ZNF610: variants seen among roughly 807,000 people sequenced by gnomAD.
The protein encoded by ZNF610 is zink finger protein.
ZNF610 carries 14 observed loss-of-function variants against 14.1 expected under a neutral mutation model. That is an observed-to-expected ratio of 0.99 (90% CI 0.65 to 1.55). The LOEUF (loss-of-function observed/expected upper bound fraction) is 1.55. Among genes scored for constraint, ZNF610 ranks in the 40% most tolerant of loss-of-function variants. The pLI is 0.00. For synonymous variants in ZNF610, 185 were observed against 187.6 expected, an observed-to-expected ratio of 0.99 and a Z score of 0.11; for missense variants, 530 against 558.0, an observed-to-expected ratio of 0.95 and a Z score of 0.51.
chr19:52,357,757 G>T (rs987136288), intron 5 of ZNF610, among the ~76,000 whole-genome samples: 4 of 151,950 alleles, frequency 2.6e-5, no homozygotes, highest in Admixed American at 6.6e-5. Flanking sequence ...GTTTAAGGCT[G>T]CAGTGAGCTA....
At chr19:52,347,246 C>G (rs1985004241) in intron 1 of ZNF610, 1 of 152,082 alleles carries the variant, frequency 6.6e-6, no homozygotes, top group South Asian at 2.1e-4. Context: ...CTGTGTAGGC[C>G]TAGGCTAATG....
chr19:52,353,456 C>T (rs182976365), intron 3 of ZNF610, among the ~76,000 whole-genome samples: 1 of 152,232 alleles, frequency 6.6e-6, no homozygotes, highest in East Asian at 1.9e-4. Flanking sequence ...TCCCATGAAC[C>T]CAGGAGTTTG....
intron 1 of ZNF610, among the ~76,000 whole-genome samples, chr19:52,341,984 T>G (rs969142982): frequency 1.3e-5 from 2 of 151,988 alleles, no homozygotes; most frequent in Non-Finnish European, 2.9e-5. Context: ...AATATTTTGG[T>G]TTTTTATAGA....
chr19:52,348,850 G>A, intron 2 of ZNF610, among the ~76,000 whole-genome samples: 1 of 152,168 alleles, frequency 6.6e-6, no homozygotes, highest in Admixed American at 6.5e-5. Context: ...GAGGGGCTGT[G>A]CTCTTCATGG....
In ZNF610 at chr19:52,366,070, C is replaced by G; in HGVS notation, c.692C>G (p.Pro231Arg). The G allele has an allele frequency of 6.2e-7, 1 of 1,614,078 alleles. No homozygotes were observed. Among genetic ancestry groups the G allele is most frequent in the Non-Finnish European group, 8.5e-7 (1 of 1,179,992 alleles). Residue 231 changes from proline to arginine, a missense_variant, in exon 6 of 6, where the codon CCT (proline) becomes CGT (arginine). Physicochemically the swap from Pro to Arg is moderately radical, Grantham distance 103. Transcript: ENST00000403906. ...NHQVIHTAEK[P>R]YKCTECGKVF... ...CAAGTAATCCATACTGCAGAGAAAC[C>G]TTACAAATGTACTGAATGTGGCAAG... is the stretch of plus-strand genomic sequence containing the variant.
intron 1 of ZNF610, among the ~76,000 whole-genome samples, chr19:52,341,425 T>C (rs1232114928): frequency 1.3e-5 from 2 of 152,084 alleles, no homozygotes; most frequent in Admixed American, 1.3e-4. Context: ...TTCTTCTGCC[T>C]CAGCCTCCTG....
In ZNF610 at chr19:52,349,187, A is replaced by G. The variant is rs774636305; in HGVS notation, c.15A>G (p.Glu5=). The G allele has an allele frequency of 1.2e-6, 2 of 1,613,568 alleles. No homozygotes were observed. The highest frequency in any genetic ancestry group is 1.1e-5 in the South Asian group (1 of 91,072). ...TATAAACAGTCATGCTATGTGATGA[A>G]GAAGCCCAGAAGAGGAAAGCAAAGG... The part of the protein sequence containing the change: MLCD[E]EAQKRKAKES... Residue 5 remains glutamate, a synonymous_variant, in exon 3 of 6, where the codon GAA becomes GAG. Coordinates refer to ENST00000403906, the MANE Select transcript of ZNF610 (RefSeq NM_001161425.2).
intron 1 of ZNF610, among the ~76,000 whole-genome samples, chr19:52,345,774 G>A (rs923247991): frequency 2.0e-5 from 3 of 151,672 alleles, no homozygotes; most frequent in East Asian, 1.9e-4. Flanking sequence ...GGGTGATCTC[G>A]ACTCACTGCA....
At chr19:52,337,327 G>A (rs1056502532) in intron 1 of ZNF610, among the ~76,000 whole-genome samples, 7 of 152,012 alleles carry the variant, frequency 4.6e-5, no homozygotes, top group African/African-American at 1.7e-4. Context: ...CAGAGAGTGG[G>A]GACAAGAGAG....
At chr19:52,364,347 A>G (rs886658306) in intron 5 of ZNF610, among the ~76,000 whole-genome samples, 1 of 151,828 alleles carries the variant, frequency 6.6e-6, no homozygotes, top group Non-Finnish European at 1.5e-5. Context: ...TCCATATTTG[A>G]TCATTTATTG....
chr19:52,349,095 G>A, intron 2 of ZNF610, 59 bp from the exon 3 acceptor site: 1 of 1,250,910 alleles, frequency 8.0e-7, no homozygotes, highest in Non-Finnish European at 1.2e-6. Context: ...GTGTGGTTGT[G>A]GCATAGGGAG....
upstream of ZNF610, among the ~76,000 whole-genome samples, chr19:52,332,534 C>T (rs167708): frequency 0.8 from 121,760 of 152,200 alleles, 49,716 homozygotes; most frequent in African/African-American, 0.96. This position sits in a 1 kb window ranked among gnomAD's most constrained non-coding sequence, Gnocchi z 4.1. Flanking sequence ...ACAGCTCCAA[C>T]TGAAAATAAA....
At position 52,365,846 on chromosome 19, in the gene ZNF610, C is replaced by A. The variant is rs1568656114; in HGVS notation, c.468C>A (p.Asn156Lys). Residue 156 changes from asparagine (N) to lysine (K), a missense_variant, in exon 6 of 6, where the codon AAC becomes AAA. Physicochemically the swap from Asn to Lys is moderately conservative, Grantham distance 94 (BLOSUM62 0). Transcript: ENST00000403906. ...GTAATCAAGTTGAAAAGTTTACAAACCATCGTTCCTCAGTTTCACCACTTC... is the reference window on the plus strand; with the variant it reads ...GTAATCAAGTTGAAAAGTTTACAAAACATCGTTCCTCAGTTTCACCACTTC... ...YRSNQVEKFT[N>K]HRSSVSPLQK... 1 of 1,614,108 alleles carries A rather than the reference C, an allele frequency of 6.2e-7. No homozygotes were observed. Among genetic ancestry groups the A allele is most frequent in the Non-Finnish European group, 8.5e-7 (1 of 1,180,008 alleles).
chr19:52,364,171 A>G (rs989157574), intron 5 of ZNF610, among the ~76,000 whole-genome samples: 17 of 152,220 alleles, frequency 1.1e-4, no homozygotes, highest in African/African-American at 3.9e-4. Context: ...CCTTCTATAT[A>G]TGTAATATTC....
chr19:52,340,199 G>A (rs1238996017), intron 1 of ZNF610, among the ~76,000 whole-genome samples: 1 of 152,158 alleles, frequency 6.6e-6, no homozygotes, highest in Admixed American at 6.5e-5. Flanking sequence ...TCAGGAGTTC[G>A]AGACTAGCCT....
upstream of ZNF610, among the ~76,000 whole-genome samples, chr19:52,331,896 T>C (rs1442319689): frequency 6.6e-6 from 1 of 152,188 alleles, no homozygotes; most frequent in Non-Finnish European, 1.5e-5. Context: ...CCTAGGTCCA[T>C]GTGGGTTACA....
chr19:52,342,184 T>C (rs1415145008), intron 1 of ZNF610, among the ~76,000 whole-genome samples: 2 of 152,134 alleles, frequency 1.3e-5, no homozygotes, highest in African/African-American at 4.8e-5. Flanking sequence ...CTGAAGTGAT[T>C]TTCCCACGTC....
Position 52,353,996 on chromosome 19 carries a change from A to G in ZNF610, c.190+188A>G, listed in dbSNP as rs1167020830. On this transcript the variant is annotated intron_variant, in intron 4 of 5. Transcript: ENST00000403906. ...TTTCTTCAGATGTACCGCCCCCTTC[A>G]TAATACATCATTGGGTGGCACCGGA... 3.9e-5 allele frequency among the ~76,000 whole-genome samples: 6 copies of G among 152,174 alleles called. 1 individual carries two copies. The highest frequency in any genetic ancestry group is 5.9e-5 in the Non-Finnish European group (4 of 68,028).
rs764199008 is a variant in ZNF610, at chr19:52,366,275, G to T, written c.897G>T (p.Glu299Asp). The T allele has an allele frequency of 5.6e-6, 9 of 1,613,272 alleles. No individual in the cohort carries two copies. The South Asian group carries it at 9.9e-5, about 18-fold the overall frequency. The change falls in exon 6 of 6, where the codon GAG (glutamate) becomes GAT (aspartate). Residue 299 changes from glutamate to aspartate, a missense_variant. By Grantham distance (45) the Glu-to-Asp change is conservative. Coordinates refer to ENST00000403906, the MANE Select transcript of ZNF610 (RefSeq NM_001161425.2). Reference protein sequence around the residue: ...KCNECGKAFRECSGLTTHLVI... With the variant: ...KCNECGKAFRDCSGLTTHLVI... ...ACGAATGTGGCAAAGCTTTTAGAGA[G>T]TGTTCGGGACTTACTACCCATCTTG...
Sources: allele counts gnomAD v4.1 joint callset (sites outside exome capture counted in the v4.1 genomes callset), GRCh38; gene constraint gnomAD v4.1.1; non-coding constraint Gnocchi (gnomAD v3.1); transcripts MANE v1.5; gene names NCBI Gene and HGNC (gene_info 2026-07-23, HGNC 2026-07-21).